Variants in TSPAN13 observed in about 807,000 individuals in gnomAD.
TSPAN13 encodes tetraspanin-13.
In TSPAN13, 18 loss-of-function variants were observed where a neutral mutation model predicts 26.9. The ratio of observed to expected loss-of-function variants is 0.67; its 90% CI spans 0.46 to 0.99. The LOEUF (loss-of-function observed/expected upper bound fraction) is 0.99, where lower values mean the gene tolerates loss of function less well. Ranked by LOEUF, TSPAN13 falls within the 50% of genes least tolerant of loss-of-function variation. TSPAN13 has a pLI of 0.00. For missense variants in TSPAN13, 201 were observed against 249.6 expected (o/e 0.81, Z 1.31); for synonymous variants, 116 against 98.4 (o/e 1.18, Z -1.06).
At chr7:16,763,905 G>A (rs1343175199) in intron 1 of TSPAN13, among the ~76,000 whole-genome samples, 1 of 152,154 alleles carries the variant, frequency 6.6e-6, no homozygotes, top group African/African-American at 2.4e-5. Flanking sequence ...CTTAATTCTA[G>A]CATATCCTAG....
At position 16,758,752 on chromosome 7, in the gene TSPAN13, T is replaced by C. The variant is rs1784509502; in HGVS notation, c.63+4722T>C. Among the ~76,000 whole-genome samples the C allele has an allele frequency of 5.0e-5, 3 of 59,996 alleles. No homozygotes were observed. The South Asian group carries it at 9.4e-4, about 19-fold the overall frequency. The allele number at this position is 59,996 out of a possible 152,430, so 39.4% of individuals were successfully genotyped here. A position where few individuals can be genotyped will look rare whatever the true frequency, so the allele number is the denominator to read the frequency against. ...GAATCGAATATTTCTTGTAATACCC[T>C]TTTTTTTTTTTACATAATTGGCCAA... On this transcript the variant is annotated intron_variant, in intron 1 of 5. Coordinates refer to ENST00000262067, the MANE Select transcript of TSPAN13 (RefSeq NM_014399.4).
rs1179120509 is a variant in TSPAN13, at chr7:16,753,830, C to T, written c.-138C>T. The T allele has an allele frequency of 2.2e-6, 2 of 920,856 alleles. No homozygotes were observed. Among genetic ancestry groups the T allele is most frequent in the South Asian group, 1.4e-5 (1 of 70,192 alleles). The allele number at this position is 920,856 out of a possible 1,614,324, so 57.0% of individuals were successfully genotyped here. A position where few individuals can be genotyped will look rare whatever the true frequency, so the allele number is the denominator to read the frequency against. ...CGCGCGCGCGCCGCGCACTGCAGCC[C>T]CAGGCCCCGGCCCCCCACCCACGTC... On this transcript the variant is annotated 5_prime_UTR_variant, in exon 1 of 6. Coordinates refer to ENST00000262067, the MANE Select transcript of TSPAN13 (RefSeq NM_014399.4).
At chr7:16,782,057 G>T (rs750651306) in intron 5 of TSPAN13, among the ~76,000 whole-genome samples, 13 of 152,116 alleles carry the variant, frequency 8.5e-5, no homozygotes, top group Non-Finnish European at 1.5e-4. Flanking sequence ...GTAAAATGAC[G>T]ATATTGATAG....
intron 1 of TSPAN13, among the ~76,000 whole-genome samples, chr7:16,768,408 T>C (rs1348456079): frequency 6.6e-6 from 1 of 152,196 alleles, no homozygotes; most frequent in Admixed American, 6.5e-5. Flanking sequence ...TTCCTTACTG[T>C]CTAACCTTGG....
chr7:16,777,770 CATTTTAT>C lies in TSPAN13; in HGVS notation c.313-25_313-19del, dbSNP rs529548810. 376 of 1,561,336 alleles carry C rather than the reference CATTTTAT, an allele frequency of 2.4e-4. 1 individual carries two copies. The African/African-American group carries it at 4.8e-3, about 20-fold the overall frequency. Reference sequence around the variant, plus strand: ...TTATACATTTTCTGCAGGGATGACACATTTTATATATTAAACACATTTACTAGGGTCA... The same window carrying C: ...TTATACATTTTCTGCAGGGATGACACATATTAAACACATTTACTAGGGTCA... On this transcript the variant is annotated intron_variant, in intron 3 of 5. Transcript: ENST00000262067.
chr7:16,778,972 A>T lies in TSPAN13; in HGVS notation c.427-31A>T, dbSNP rs188986377. 14 of 1,497,834 alleles carry T rather than the reference A, an allele frequency of 9.3e-6. No homozygotes were observed. In the East Asian group the frequency reaches 3.2e-4, roughly 34 times the overall value. 92.8% of individuals were successfully genotyped at this position (1,497,834 alleles called of 1,614,324 possible). A position where few individuals can be genotyped will look rare whatever the true frequency, so the allele number is the denominator to read the frequency against. On this transcript the variant is annotated intron_variant, in intron 4 of 5. Coordinates refer to ENST00000262067, the MANE Select transcript of TSPAN13 (RefSeq NM_014399.4). ...TGGGCTTTTTATAAATGTATTTTGA[A>T]ATAAAGGTTTTTTTACTTTAATTGG...
At chr7:16,768,063 C>A (rs1583790071) in intron 1 of TSPAN13, among the ~76,000 whole-genome samples, 1 of 152,062 alleles carries the variant, frequency 6.6e-6, no homozygotes, top group African/African-American at 2.4e-5. Context: ...CAGGCGGGTG[C>A]CACCACGCCC....
chr7:16,776,418 A>G (rs775937340), intron 2 of TSPAN13, 40 bp downstream of exon 2: 21 of 1,578,798 alleles, frequency 1.3e-5, no homozygotes, highest in African/African-American at 9.5e-5. Flanking sequence ...CTTGATGACT[A>G]TTTTGATGGT....
intron 1 of TSPAN13, among the ~76,000 whole-genome samples, chr7:16,766,390 A>G (rs1313172283): frequency 1.3e-5 from 2 of 152,148 alleles, no homozygotes; most frequent in Non-Finnish European, 2.9e-5. Flanking sequence ...TACAAATGAG[A>G]ATGTGTATTT....
intron 1 of TSPAN13, chr7:16,775,684 A>G (rs1784734155): frequency 6.6e-6 from 1 of 152,272 alleles, no homozygotes; most frequent in East Asian, 1.9e-4. Flanking sequence ...TGGAAACACA[A>G]TGTGTGATGA....
At chr7:16,766,236 A>G (rs1317891939) in intron 1 of TSPAN13, among the ~76,000 whole-genome samples, 2 of 152,242 alleles carry the variant, frequency 1.3e-5, no homozygotes, top group East Asian at 1.9e-4. Context: ...AAAAAATCCA[A>G]CATATTTTTG....
chr7:16,770,456 C>A (rs141208828), intron 1 of TSPAN13, among the ~76,000 whole-genome samples: 1 of 152,116 alleles, frequency 6.6e-6, no homozygotes. Flanking sequence ...GTGATCCACC[C>A]GCTTCGGCCT....
At chr7:16,777,213 C>A in intron 3 of TSPAN13, 91 bp downstream of exon 3, 2 of 949,622 alleles carry the variant, frequency 2.1e-6, no homozygotes, top group Non-Finnish European at 3.2e-6. Flanking sequence ...AAAATAATTT[C>A]GTCTTGCACA....
At chr7:16,762,945 C>T (rs148671565) in intron 1 of TSPAN13, among the ~76,000 whole-genome samples, 28 of 152,234 alleles carry the variant, frequency 1.8e-4, no homozygotes, top group Middle Eastern at 3.4e-3. Context: ...TAAGTTTGGG[C>T]ATATGTGTAC....
chr7:16,772,521 T>A (rs1784692158), intron 1 of TSPAN13, among the ~76,000 whole-genome samples: 1 of 152,212 alleles, frequency 6.6e-6, no homozygotes, highest in African/African-American at 2.4e-5. Context: ...TCCTTGTGGC[T>A]GCATTAGTCT....
At chr7:16,777,697 A>T (rs573632792) in intron 3 of TSPAN13, 101 bp from the exon 4 acceptor site, 1 of 743,550 alleles carries the variant, frequency 1.3e-6, no homozygotes, top group East Asian at 3.1e-5. Flanking sequence ...TTTTTAAAAT[A>T]AAAATTATTT....
chr7:16,783,054 ATG>A (rs1784831065), intron 5 of TSPAN13, among the ~76,000 whole-genome samples: 1 of 151,988 alleles, frequency 6.6e-6, no homozygotes, highest in Non-Finnish European at 1.5e-5. Context: ...CCTCCGTCAT[ATG>A]TGTCCCCCTG....
chr7:16,757,702 G>A lies in TSPAN13; in HGVS notation c.63+3672G>A, dbSNP rs758866416. Among the ~76,000 whole-genome samples, 21 of 152,006 alleles carry A rather than the reference G, an allele frequency of 1.4e-4. 1 individual carries two copies. The South Asian group carries it at 2.1e-3, about 15-fold the overall frequency. ...CCATGTTTGTTTCTTTCTCTTTTTCGTGATTCTTTTTCCTTATACTTTTGG... is the reference window on the plus strand; with the variant it reads ...CCATGTTTGTTTCTTTCTCTTTTTCATGATTCTTTTTCCTTATACTTTTGG... On this transcript the variant is annotated intron_variant, in intron 1 of 5. Transcript: ENST00000262067.
intron 5 of TSPAN13, among the ~76,000 whole-genome samples, chr7:16,781,743 A>G (rs1784815639): frequency 6.6e-6 from 1 of 152,232 alleles, no homozygotes; most frequent in Admixed American, 6.5e-5. Flanking sequence ...AACATCCTCA[A>G]AAATTCTGAC....
Sources: gnomAD v4.1 joint callset for allele counts (sites outside exome capture counted in the v4.1 genomes callset) on GRCh38, gnomAD v4.1.1 for gene constraint, MANE v1.5 for transcripts, NCBI Gene and HGNC (gene_info 2026-07-23, HGNC 2026-07-21) for gene names.